MACROD2: variants seen among roughly 807,000 people sequenced by gnomAD.
MACROD2 encodes the protein ADP-ribose glycohydrolase MACROD2.
Under a neutral mutation model 70.4 loss-of-function variants are expected in MACROD2, and 36 were observed. The observed-to-expected ratio is 0.51, with a 90% confidence interval of 0.39 to 0.68. The LOEUF (loss-of-function observed/expected upper bound fraction) is 0.68, where lower values mean the gene tolerates loss of function less well. Ranked by LOEUF, MACROD2 falls within the 30% of genes least tolerant of loss-of-function variation. The pLI, the probability that MACROD2 is intolerant of heterozygous loss-of-function variation, is 0.00. For missense variants in MACROD2, 496 were observed against 538.4 expected (o/e 0.92, Z 0.78); for synonymous variants, 172 against 178.8 (o/e 0.96, Z 0.30).
chr20:15,604,474 A>G (rs550497244), intron 8 of MACROD2, among the ~76,000 whole-genome samples: 12 of 152,352 alleles, frequency 7.9e-5, no homozygotes, highest in Non-Finnish European at 5.9e-5. Context: ...CAGCAGGGCC[A>G]GATTTGAGAA....
At chr20:15,652,724 C>G (rs1039726138) in intron 8 of MACROD2, among the ~76,000 whole-genome samples, 1 of 151,858 alleles carries the variant, frequency 6.6e-6, no homozygotes, top group Non-Finnish European at 1.5e-5. Context: ...GGTTTCCTAG[C>G]TCTTTTTTTT....
chr20:15,001,472 T>A (rs1429633884), intron 5 of MACROD2, among the ~76,000 whole-genome samples: 3 of 152,168 alleles, frequency 2.0e-5, no homozygotes, highest in African/African-American at 7.2e-5. Context: ...AATGGTCAAA[T>A]CCCAGGACCA....
intron 3 of MACROD2, among the ~76,000 whole-genome samples, chr20:14,363,639 T>C (rs1225050282): frequency 6.7e-6 from 1 of 150,334 alleles, no homozygotes; most frequent in Non-Finnish European, 1.5e-5. Flanking sequence ...GCTAACACAG[T>C]GAAACCCTGT....
intron 3 of MACROD2, among the ~76,000 whole-genome samples, chr20:14,152,783 T>C (rs1050044751): frequency 1.3e-5 from 2 of 152,200 alleles, no homozygotes; most frequent in Non-Finnish European, 2.9e-5. Flanking sequence ...GTACTGATGC[T>C]TGTATTATGA....
chr20:15,175,282 G>C (rs1363300062), intron 5 of MACROD2, among the ~76,000 whole-genome samples: 1 of 116,568 alleles, frequency 8.6e-6, no homozygotes, highest in African/African-American at 3.3e-5. Flanking sequence ...CTGTTGTGGG[G>C]TGGGGGGAGG....
intron 8 of MACROD2, among the ~76,000 whole-genome samples, chr20:15,767,390 ATATT>A (rs2051546271): frequency 6.6e-6 from 1 of 152,026 alleles, no homozygotes; most frequent in African/African-American, 2.4e-5. Flanking sequence ...AAAATTTTGT[ATATT>A]TATTGCAATA....
At chr20:15,389,591 AG>A (rs2060067488) in intron 6 of MACROD2, among the ~76,000 whole-genome samples, 2 of 152,220 alleles carry the variant, frequency 1.3e-5, no homozygotes, top group South Asian at 4.1e-4. Context: ...TTAATAGAAA[AG>A]TGTGAATATT....
chr20:14,411,971 A>G (rs1408236350), intron 3 of MACROD2, among the ~76,000 whole-genome samples: 1 of 152,100 alleles, frequency 6.6e-6, no homozygotes, highest in East Asian at 1.9e-4. Flanking sequence ...TTTTCTTTCA[A>G]TCTGTATTTT....
At chr20:16,036,868 A>G (rs1428339366) in intron 15 of MACROD2, among the ~76,000 whole-genome samples, 2 of 152,010 alleles carry the variant, frequency 1.3e-5, no homozygotes, top group African/African-American at 4.8e-5. Flanking sequence ...TCATATTCAC[A>G]GTGCATGTCC....
chr20:14,682,072 C>T (rs950674455), intron 4 of MACROD2, among the ~76,000 whole-genome samples: 22 of 151,946 alleles, frequency 1.4e-4, no homozygotes, highest in Non-Finnish European at 2.4e-4. Context: ...TTTCACTGCC[C>T]GAGTGCAGTC....
intron 3 of MACROD2, among the ~76,000 whole-genome samples, chr20:14,165,696 G>T: frequency 6.6e-6 from 1 of 152,168 alleles, no homozygotes; most frequent in East Asian, 1.9e-4. Context: ...GTATAGCAGG[G>T]ATATAGCTTA....
chr20:15,139,880 A>T (rs1042090249), intron 5 of MACROD2, among the ~76,000 whole-genome samples: 2 of 152,178 alleles, frequency 1.3e-5, no homozygotes, highest in African/African-American at 4.8e-5. Context: ...ACTGGGTTGC[A>T]GCTGACCTTC....
intron 6 of MACROD2, among the ~76,000 whole-genome samples, chr20:15,288,648 CACATTGGA>C: frequency 6.6e-6 from 1 of 152,254 alleles, no homozygotes. Flanking sequence ...CCTGTCCTTG[CACATTGGA>C]ACTCTGGGTT....
intron 6 of MACROD2, among the ~76,000 whole-genome samples, chr20:15,374,401 AT>A (rs1380598708): frequency 6.6e-6 from 1 of 152,034 alleles, no homozygotes; most frequent in Non-Finnish European, 1.5e-5. Flanking sequence ...GTATGTGTAT[AT>A]ATAGTCTTAT....
chr20:14,669,152 G>A (rs1246525047), intron 4 of MACROD2, among the ~76,000 whole-genome samples: 1 of 152,092 alleles, frequency 6.6e-6, no homozygotes, highest in Non-Finnish European at 1.5e-5. Flanking sequence ...TTGGATTGGG[G>A]CAATAAATGT....
At chr20:14,829,997 C>T (rs2072946394) in intron 5 of MACROD2, among the ~76,000 whole-genome samples, 1 of 151,960 alleles carries the variant, frequency 6.6e-6, no homozygotes, top group South Asian at 2.1e-4. Flanking sequence ...TGAATTAAGC[C>T]ATCACCCCTA....
chr20:14,444,438 G>A (rs965585897), intron 3 of MACROD2, among the ~76,000 whole-genome samples: 5 of 151,760 alleles, frequency 3.3e-5, no homozygotes, highest in African/African-American at 1.2e-4. Context: ...CTCCCTTTCC[G>A]TCTGTTCCTT....
intron 5 of MACROD2, among the ~76,000 whole-genome samples, chr20:15,158,485 C>G (rs1324402122): frequency 6.6e-6 from 1 of 152,058 alleles, no homozygotes; most frequent in Non-Finnish European, 1.5e-5. Flanking sequence ...TCACACACCT[C>G]AAAATTTAGT....
At chr20:15,677,704 C>CAACCA (rs1555859235) in intron 8 of MACROD2, among the ~76,000 whole-genome samples, 1,572 of 75,426 alleles carry the variant, frequency 0.021, 21 homozygotes, top group African/African-American at 0.043. Flanking sequence ...ACCAACCAAC[C>CAACCA]AAATACATCC....
Sources: allele counts gnomAD v4.1 joint callset (sites outside exome capture counted in the v4.1 genomes callset), GRCh38; gene constraint gnomAD v4.1.1; transcripts MANE v1.5; gene names NCBI Gene and HGNC (gene_info 2026-07-23, HGNC 2026-07-21).